The following COG5 variants were observed in gnomAD, a reference collection of about 807,000 sequenced individuals.
The protein encoded by COG5 is conserved oligomeric Golgi complex subunit 5.
In COG5, 86 loss-of-function variants were observed where a neutral mutation model predicts 110.4. The observed-to-expected ratio is 0.78, with a 90% CI of 0.65 to 0.93. The LOEUF (loss-of-function observed/expected upper bound fraction) is 0.93. Ranked by LOEUF, COG5 falls within the 40% of genes least tolerant of loss-of-function variation. The probability of loss-of-function intolerance (pLI) is 0.00; values close to 1 mark genes in which losing one functional copy is unlikely to be tolerated. For synonymous variants in COG5, 360 were observed against 334.6 expected, an observed-to-expected ratio of 1.08 and a Z score of -0.83; for missense variants, 1,077 against 987.0, an observed-to-expected ratio of 1.09 and a Z score of -1.22.
intron 7 of COG5, among the ~76,000 whole-genome samples, chr7:107,390,707 T>C (rs1350575739): frequency 6.7e-6 from 1 of 149,800 alleles, no homozygotes; most frequent in Non-Finnish European, 1.5e-5. Context: ...ACTCTTTGAC[T>C]GGAAAAGAAT....
chr7:107,460,275 T>C (rs1299091250), intron 6 of COG5, among the ~76,000 whole-genome samples: 3 of 151,914 alleles, frequency 2.0e-5, no homozygotes, highest in Non-Finnish European at 4.4e-5. Context: ...TGGTGGCACA[T>C]GTCTGTAGTG....
intron 7 of COG5, among the ~76,000 whole-genome samples, chr7:107,375,833 T>C (rs1814594684): frequency 6.6e-6 from 1 of 152,026 alleles, no homozygotes; most frequent in Non-Finnish European, 1.5e-5. Flanking sequence ...GCCCATTTTA[T>C]TAATCTTACT....
At chr7:107,236,325 T>G (rs180732907) in intron 18 of COG5, 125 bp downstream of exon 18, 1 of 748,592 alleles carries the variant, frequency 1.3e-6, no homozygotes, top group African/African-American at 1.7e-5. Flanking sequence ...CTATTTATGC[T>G]TAAGTGGGCT....
intron 10 of COG5, among the ~76,000 whole-genome samples, chr7:107,360,259 C>T (rs1469981490): frequency 2.6e-5 from 4 of 152,192 alleles, no homozygotes; most frequent in East Asian, 3.9e-4. Context: ...CTTGTGGGGA[C>T]GATCTGCTTG....
chr7:107,212,334 C>T (rs1048848180), intron 19 of COG5, among the ~76,000 whole-genome samples: 4 of 152,198 alleles, frequency 2.6e-5, no homozygotes, highest in African/African-American at 9.6e-5. Flanking sequence ...CCAGACATTC[C>T]ATGAGAAGAC....
rs564805723 is a variant in COG5 at position 107,529,330 on chromosome 7, T to G, written c.418-1973A>C. Among the ~76,000 whole-genome samples the G allele has an allele frequency of 5.3e-5, 8 of 152,278 alleles. No individual in the cohort carries two copies. The South Asian group carries it at 1.7e-3, about 32-fold the overall frequency. On this transcript the variant is annotated intron_variant, in intron 5 of 21. Transcript: ENST00000297135. Reference sequence around the variant, plus strand: ...GGTTGATGATTTGGAAGTTATCACATTGCCTCTCTAAAACTGATAAATTGG... The same window carrying G: ...GGTTGATGATTTGGAAGTTATCACAGTGCCTCTCTAAAACTGATAAATTGG...
intron 7 of COG5, among the ~76,000 whole-genome samples, chr7:107,399,596 C>T (rs955990082): frequency 2.6e-5 from 4 of 152,094 alleles, no homozygotes; most frequent in South Asian, 4.2e-4. Context: ...CCCAGTTCTG[C>T]GGAAATATGA....
At chr7:107,362,202 G>A (rs1321099979) in intron 9 of COG5, 92 bp from the exon 10 acceptor site, 6 of 1,317,748 alleles carry the variant, frequency 4.6e-6, no homozygotes, top group Middle Eastern at 1.8e-4. Context: ...GCTAGTGGAG[G>A]TATTTTGAAT....
At chr7:107,347,105 A>G (rs1811684947) in intron 10 of COG5, among the ~76,000 whole-genome samples, 1 of 152,174 alleles carries the variant, frequency 6.6e-6, no homozygotes. Flanking sequence ...GACAAACAGA[A>G]AGTTATTCTG....
At chr7:107,290,468 G>C (rs1469614704) in intron 12 of COG5, among the ~76,000 whole-genome samples, 1 of 152,134 alleles carries the variant, frequency 6.6e-6, no homozygotes, top group Admixed American at 6.5e-5. Flanking sequence ...TTTTAGGTCA[G>C]TTAAGAGAAG....
intron 11 of COG5, among the ~76,000 whole-genome samples, chr7:107,319,898 C>T (rs1181926739): frequency 6.6e-6 from 1 of 152,084 alleles, no homozygotes; most frequent in African/African-American, 2.4e-5. Context: ...GAGTTCAAGG[C>T]TGTAGCGTGC....
intron 6 of COG5, among the ~76,000 whole-genome samples, chr7:107,492,390 T>C (rs897889830): frequency 2.0e-5 from 3 of 152,128 alleles, no homozygotes; most frequent in Non-Finnish European, 2.9e-5. Context: ...AAGCACAAAT[T>C]TGTTACCTTA....
intron 6 of COG5, among the ~76,000 whole-genome samples, chr7:107,462,611 TAAAA>T (rs370588173): frequency 8.9e-6 from 1 of 112,110 alleles, no homozygotes; most frequent in African/African-American, 3.1e-5. Context: ...GAAAAATGCC[TAAAA>T]AAAAAAAAAA....
At chr7:107,397,622 T>C (rs950426074) in intron 7 of COG5, among the ~76,000 whole-genome samples, 1 of 152,202 alleles carries the variant, frequency 6.6e-6, no homozygotes, top group Non-Finnish European at 1.5e-5. Context: ...CATTACTCTA[T>C]AAAGTGGTAA....
At chr7:107,273,277 C>T (rs117415889) in intron 14 of COG5, among the ~76,000 whole-genome samples, 1 of 152,264 alleles carries the variant, frequency 6.6e-6, no homozygotes, top group Non-Finnish European at 1.5e-5. Flanking sequence ...TTCTTTCGAT[C>T]TTATTATGAG....
At chr7:107,250,650 TAAATA>T (rs1384448241) in intron 16 of COG5, among the ~76,000 whole-genome samples, 1 of 151,698 alleles carries the variant, frequency 6.6e-6, no homozygotes, top group Non-Finnish European at 1.5e-5. Context: ...ATGCACACAA[TAAATA>T]AAATAATAGG....
intron 8 of COG5, among the ~76,000 whole-genome samples, chr7:107,369,105 T>A (rs942731724): frequency 2.0e-5 from 3 of 152,152 alleles, no homozygotes; most frequent in African/African-American, 7.2e-5. Context: ...AGCACTGGTA[T>A]CTTAAATTTG....
chr7:107,488,230 GT>G (rs1315043316), intron 6 of COG5, among the ~76,000 whole-genome samples: 7 of 151,486 alleles, frequency 4.6e-5, no homozygotes, highest in African/African-American at 1.5e-4. Flanking sequence ...TACATTTTGG[GT>G]CCATACTGAT....
At chr7:107,448,225 C>G (rs1795129085) in intron 6 of COG5, among the ~76,000 whole-genome samples, 4 of 152,124 alleles carry the variant, frequency 2.6e-5, no homozygotes, top group African/African-American at 9.7e-5. Flanking sequence ...TGCTGAACAG[C>G]TGAAATTACT....
Sources: allele counts gnomAD v4.1 joint callset (sites outside exome capture counted in the v4.1 genomes callset), GRCh38; gene constraint gnomAD v4.1.1; transcripts MANE v1.5; gene names NCBI Gene and HGNC (gene_info 2026-07-23, HGNC 2026-07-21).